IL1RAPL1: variants seen among roughly 807,000 people sequenced by gnomAD.
IL1RAPL1 encodes interleukin-1 receptor accessory protein-like 1.
IL1RAPL1 carries 3 observed loss-of-function variants against 48.4 expected under a neutral mutation model. The observed-to-expected ratio is 0.06, with a 90% confidence interval of 0.03 to 0.16. The LOEUF (loss-of-function observed/expected upper bound fraction) is 0.16, where lower values mean the gene tolerates loss of function less well. Ranked by LOEUF, IL1RAPL1 falls within the 10% of genes least tolerant of loss-of-function variation. IL1RAPL1 has a pLI of 1.00. For missense variants in IL1RAPL1, 349 were observed against 530.6 expected (o/e 0.66, Z 3.36); for synonymous variants, 185 against 187.7 (o/e 0.99, Z 0.12).
chrX:29,838,944 T>A (rs1403474024), intron 6 of IL1RAPL1, among the ~76,000 whole-genome samples: 17 of 111,739 alleles, frequency 1.5e-4, no homozygotes, highest in African/African-American at 5.5e-4. Context: ...CTGGCATGGC[T>A]TGCCTCTGCT....
chrX:29,368,652 C>T (rs1220605201), intron 3 of IL1RAPL1, among the ~76,000 whole-genome samples: 1 of 95,831 alleles, frequency 1.0e-5, no homozygotes, highest in Non-Finnish European at 2.0e-5. Flanking sequence ...TGGTTTTGAA[C>T]TCCTGGGCTC....
At chrX:29,304,965 A>G (rs1932595513) in intron 3 of IL1RAPL1, among the ~76,000 whole-genome samples, 2 of 112,119 alleles carry the variant, frequency 1.8e-5, no homozygotes, top group African/African-American at 6.5e-5. Context: ...TATTTAATAT[A>G]AGAAGTACTT....
chrX:29,527,326 CTTTTT>C (rs61003668), intron 5 of IL1RAPL1, among the ~76,000 whole-genome samples: 9 of 25,568 alleles, frequency 3.5e-4, no homozygotes, highest in South Asian at 6.7e-3. Flanking sequence ...GGGAAGGACT[CTTTTT>C]TTTTTTTTTT....
At chrX:29,417,389 T>A (rs1263238909) in intron 5 of IL1RAPL1, among the ~76,000 whole-genome samples, 1 of 112,045 alleles carries the variant, frequency 8.9e-6, no homozygotes, top group African/African-American at 3.2e-5. Flanking sequence ...TATATTAGCA[T>A]CTCTTGTTCC....
chrX:29,871,134 G>A (rs1428125161), intron 6 of IL1RAPL1, among the ~76,000 whole-genome samples: 1 of 111,817 alleles, frequency 8.9e-6, no homozygotes, highest in African/African-American at 3.3e-5. Context: ...AACCGGCAAC[G>A]TCTAATCTCT....
At chrX:29,951,979 G>A (rs1005372724) in intron 9 of IL1RAPL1, among the ~76,000 whole-genome samples, 8 of 111,855 alleles carry the variant, frequency 7.2e-5, no homozygotes, top group Admixed American at 4.8e-4. Flanking sequence ...GAAGTGGACC[G>A]CAGAAAACAT....
intron 2 of IL1RAPL1, among the ~76,000 whole-genome samples, chrX:29,184,198 C>T (rs1198884996): frequency 1.8e-5 from 2 of 111,173 alleles, no homozygotes; most frequent in African/African-American, 6.5e-5. Flanking sequence ...GTTTCCATTT[C>T]TCATTTCTAG....
intron 2 of IL1RAPL1, among the ~76,000 whole-genome samples, chrX:28,905,835 G>T (rs1923203124): frequency 1.8e-5 from 2 of 111,726 alleles, no homozygotes; most frequent in South Asian, 7.5e-4. Flanking sequence ...AAGTGTGTAT[G>T]TGTGAGATAT....
At chrX:29,345,429 T>A (rs1052651853) in intron 3 of IL1RAPL1, among the ~76,000 whole-genome samples, 3 of 112,152 alleles carry the variant, frequency 2.7e-5, no homozygotes, top group Middle Eastern at 4.2e-3. Context: ...TATTTTGTCT[T>A]CCTTCTCTCT....
At chrX:29,192,792 A>G (rs887224363) in intron 2 of IL1RAPL1, among the ~76,000 whole-genome samples, 1 of 111,470 alleles carries the variant, frequency 9.0e-6, no homozygotes, top group East Asian at 2.8e-4. Context: ...AAACTATTGG[A>G]TATGTGGCGT....
chrX:29,021,098 C>A (rs1423624133), intron 2 of IL1RAPL1, among the ~76,000 whole-genome samples: 1 of 108,357 alleles, frequency 9.2e-6, no homozygotes, highest in Non-Finnish European at 1.9e-5. Context: ...GTGGCACACA[C>A]CTGTAGTCCC....
chrX:28,766,854 G>A (rs1936246297), intron 1 of IL1RAPL1, among the ~76,000 whole-genome samples: 1 of 110,982 alleles, frequency 9.0e-6, no homozygotes, highest in African/African-American at 3.3e-5. Flanking sequence ...CATCCATGTT[G>A]TTGCAAATGA....
At chrX:29,530,299 C>T (rs925543257) in intron 5 of IL1RAPL1, among the ~76,000 whole-genome samples, 2 of 111,338 alleles carry the variant, frequency 1.8e-5, no homozygotes, top group Non-Finnish European at 3.8e-5. Context: ...GAACCCAAGA[C>T]AAGGTTTCAA....
intron 5 of IL1RAPL1, among the ~76,000 whole-genome samples, chrX:29,666,108 A>AT (rs1259878168): frequency 2.7e-5 from 3 of 110,883 alleles, no homozygotes; most frequent in Middle Eastern, 4.2e-3. Context: ...AGTTATTAAT[A>AT]TTTTTTATTA....
At chrX:29,315,619 A>G (rs906636794) in intron 3 of IL1RAPL1, among the ~76,000 whole-genome samples, 2 of 111,902 alleles carry the variant, frequency 1.8e-5, no homozygotes, top group African/African-American at 6.5e-5. Flanking sequence ...AGTAGTTAGA[A>G]GCCCAAAATG....
intron 6 of IL1RAPL1, among the ~76,000 whole-genome samples, chrX:29,890,208 C>T (rs1932249303): frequency 9.0e-6 from 1 of 111,721 alleles, no homozygotes; most frequent in African/African-American, 3.3e-5. Flanking sequence ...CTAGTTGCCA[C>T]ATCACCTCAA....
chrX:29,217,404 A>G (rs1462588660), intron 2 of IL1RAPL1, among the ~76,000 whole-genome samples: 1 of 112,549 alleles, frequency 8.9e-6, no homozygotes, highest in Non-Finnish European at 1.9e-5. Context: ...AGACAATGTT[A>G]TAGCTGTTAC....
intron 2 of IL1RAPL1, among the ~76,000 whole-genome samples, chrX:29,240,878 A>G (rs1368941429): frequency 1.8e-5 from 2 of 112,332 alleles, no homozygotes; most frequent in Admixed American, 1.9e-4. Context: ...TAAAGGCAAA[A>G]AATTGCTAAC....
At chrX:28,687,796 A>T (rs767114755) in intron 1 of IL1RAPL1, among the ~76,000 whole-genome samples, 245 of 103,305 alleles carry the variant, frequency 2.4e-3, no homozygotes, top group East Asian at 4.2e-3. Context: ...AAAAAAAAAA[A>T]AAATAAAATA....
Sources: gnomAD v4.1 joint callset for allele counts (sites outside exome capture counted in the v4.1 genomes callset) on GRCh38, gnomAD v4.1.1 for gene constraint, MANE v1.5 for transcripts, NCBI Gene and HGNC (gene_info 2026-07-23, HGNC 2026-07-21) for gene names.